NAAA: variants seen among roughly 807,000 people sequenced by gnomAD.
NAAA encodes the protein N-acylethanolamine-hydrolyzing acid amidase.
NAAA carries 39 observed loss-of-function variants against 44.8 expected under a neutral mutation model. The observed-to-expected ratio is 0.87, with a 90% CI of 0.67 to 1.14. The LOEUF is 1.14. Ranked by LOEUF, NAAA falls within the 50% of genes most tolerant of loss-of-function variation. NAAA has a pLI of 0.00. For synonymous variants in NAAA, 178 were observed against 191.3 expected (o/e 0.93, Z 0.58); for missense variants, 460 against 467.8 (o/e 0.98, Z 0.15).
chr4:75,922,693 A>C (rs373073519), intron 5 of NAAA, among the ~76,000 whole-genome samples: 6 of 152,352 alleles, frequency 3.9e-5, no homozygotes, highest in East Asian at 1.9e-4. Flanking sequence ...TGTTAAATAA[A>C]TTTGTATGCC....
intron 1 of NAAA, 76 bp from the exon 2 acceptor site, chr4:75,940,241 G>C: frequency 2.0e-6 from 3 of 1,516,794 alleles, no homozygotes; most frequent in Admixed American, 3.6e-5. Flanking sequence ...ACTGCGAGCG[G>C]GGCTACATCC....
chr4:75,920,698 TAAGAAAAC>T (rs762696218), intron 7 of NAAA, 32 bp downstream of exon 7: 1 of 1,612,916 alleles, frequency 6.2e-7, no homozygotes, highest in Non-Finnish European at 8.5e-7. Flanking sequence ...CTCCTGACCA[TAAGAAAAC>T]ACTGCAAACC....
At chr4:75,933,369 C>G (rs1474478625) in intron 3 of NAAA, among the ~76,000 whole-genome samples, 1 of 151,894 alleles carries the variant, frequency 6.6e-6, no homozygotes, top group Non-Finnish European at 1.5e-5. Flanking sequence ...TATAAATGAC[C>G]TCAGCCCTCA....
In NAAA at chr4:75,921,082, CT is replaced by C; in HGVS notation, c.707del (p.Lys236SerfsTer39). The C allele has an allele frequency of 6.3e-7, 1 of 1,590,442 alleles. No homozygotes were observed. The highest frequency in any genetic ancestry group is 8.5e-7 in the Non-Finnish European group (1 of 1,173,322). ...ESENFEAAVG[K>X]LAKTPLIADV... ...CAGCAATAAGGGGAGTCTTGGCCAA[CT>C]TGCCAACAGCTGCTTCGAAGTTTTC... On this transcript the variant is annotated frameshift_variant, in exon 6 of 11. Transcript: ENST00000286733. LOFTEE classifies it high-confidence loss of function.
At chr4:75,915,342 C>CT (rs1266042072) in intron 9 of NAAA, among the ~76,000 whole-genome samples, 5 of 152,106 alleles carry the variant, frequency 3.3e-5, no homozygotes, top group African/African-American at 9.7e-5. Context: ...GAGTGAGACT[C>CT]TGTCTCATAA....
In NAAA at chr4:75,939,765, C is replaced by T. The variant is rs1397838767; in HGVS notation, c.371+236G>A. ...TACCTGGATTGGGGAAGAGAAAACC[C>T]GGGGCTACACGTAGAGGGAAAGTTT... is the stretch of plus-strand genomic sequence containing the variant. On this transcript the variant is annotated intron_variant, in intron 2 of 10. Coordinates refer to ENST00000286733, the MANE Select transcript of NAAA (RefSeq NM_014435.4). The T allele has an allele frequency of 5.8e-6, 3 of 519,894 alleles. No individual in the cohort carries two copies. In the Admixed American group the frequency reaches 9.5e-5, roughly 16 times the overall value. 32.2% of individuals were successfully genotyped at this position (519,894 alleles called of 1,614,324 possible).
chr4:75,935,778 C>T (rs1252880970), intron 3 of NAAA: 1 of 378,408 alleles, frequency 2.6e-6, no homozygotes, highest in Non-Finnish European at 4.6e-6. Flanking sequence ...ACTACCCAGC[C>T]CCTCCATATT....
chr4:75,917,788 AAAAAG>A, intron 9 of NAAA: 1 of 434,414 alleles, frequency 2.3e-6, no homozygotes, highest in East Asian at 7.1e-5. Context: ...AAAAAAAAAA[AAAAAG>A]AAAAAGAAAT....
intron 8 of NAAA, chr4:75,919,691 G>A (rs1725966453): frequency 3.4e-6 from 2 of 594,630 alleles, no homozygotes; most frequent in Admixed American, 6.2e-5. Context: ...TGTTAGCCAG[G>A]ATTGTCTCAA....
rs754093271 is a variant in NAAA at position 75,931,252 on chromosome 4, T to C, written c.551A>G (p.Gln184Arg). The change falls in exon 4 of 11, where the codon CAG becomes CGG. Residue 184 changes from glutamine to arginine, a missense_variant. Gln to Arg is a conservative substitution (Grantham distance 43). Coordinates refer to ENST00000286733, the MANE Select transcript of NAAA (RefSeq NM_014435.4). ...AGAAACTGTAAACTTGTGTGGGCTC[T>C]GGCCAGTCCATAATCCTACATAGCC... ...FIGYVGLWTG[Q>R]SPHKFTVSGD... is the part of the protein sequence containing the mutation. The C allele has an allele frequency of 1.9e-6, 3 of 1,613,296 alleles. No individual in the cohort carries two copies. Among genetic ancestry groups the C allele is most frequent in the South Asian group, 1.1e-5 (1 of 91,034 alleles).
At chr4:75,912,164 G>C (rs142638029), downstream of NAAA, among the ~76,000 whole-genome samples, 1 of 152,188 alleles carries the variant, frequency 6.6e-6, no homozygotes, top group Admixed American at 6.5e-5. Flanking sequence ...CAATGCCTTC[G>C]CTTTGCCTGG....
At chr4:75,937,765 G>A (rs777852792) in intron 2 of NAAA, among the ~76,000 whole-genome samples, 15 of 152,206 alleles carry the variant, frequency 9.9e-5, no homozygotes, top group Non-Finnish European at 1.6e-4. Context: ...TGGCAATGCA[G>A]GCGTGAGCCA....
At chr4:75,929,304 GC>G (rs1201610149) in intron 4 of NAAA, among the ~76,000 whole-genome samples, 1 of 152,076 alleles carries the variant, frequency 6.6e-6, no homozygotes, top group Non-Finnish European at 1.5e-5. Flanking sequence ...TGGCTTTGAG[GC>G]ATTGCTGGCA....
At chr4:75,932,005 A>C (rs550800793) in intron 3 of NAAA, among the ~76,000 whole-genome samples, 2 of 152,308 alleles carry the variant, frequency 1.3e-5, no homozygotes, top group Non-Finnish European at 2.9e-5. Context: ...CAAGGTGGGC[A>C]GAACACCTGA....
At chr4:75,911,687 A>G (rs1253258812), downstream of NAAA, among the ~76,000 whole-genome samples, 1 of 152,182 alleles carries the variant, frequency 6.6e-6, no homozygotes, top group Non-Finnish European at 1.5e-5. Flanking sequence ...CAAAAGACCA[A>G]TCTTAGGTGC....
At chr4:75,928,505 G>A (rs1476083735) in intron 4 of NAAA, among the ~76,000 whole-genome samples, 2 of 152,140 alleles carry the variant, frequency 1.3e-5, no homozygotes, top group Admixed American at 6.6e-5. Context: ...CATGGGAAAC[G>A]AGGAGAGGGA....
rs1023211500 is a variant in NAAA at position 75,936,092 on chromosome 4, T to C, written c.498+17A>G. Reference sequence around the variant, plus strand: ...CAAATCTTTCTGATTTTTTATCTTATATGGTACGGATTATACCTGCCCATT... The same window carrying C: ...CAAATCTTTCTGATTTTTTATCTTACATGGTACGGATTATACCTGCCCATT... On this transcript the variant is annotated intron_variant, in intron 3 of 10. Transcript: ENST00000286733. The C allele has an allele frequency of 1.2e-6, 2 of 1,613,466 alleles. No homozygotes were observed. Among genetic ancestry groups the C allele is most frequent in the African/African-American group, 1.3e-5 (1 of 74,892 alleles).
intron 4 of NAAA, among the ~76,000 whole-genome samples, chr4:75,930,207 TCTC>T (rs1325764624): frequency 1.3e-5 from 2 of 152,092 alleles, no homozygotes; most frequent in African/African-American, 4.8e-5. Flanking sequence ...TATATATCCT[TCTC>T]CTTGATTCAG....
chr4:75,919,605 A>C (rs1002336976), intron 8 of NAAA: 5 of 452,442 alleles, frequency 1.1e-5, no homozygotes, highest in Non-Finnish European at 1.9e-5. Context: ...CAGCCTCTGG[A>C]GTAGCTTGGA....
Sources: gnomAD v4.1 joint callset for allele counts (sites outside exome capture counted in the v4.1 genomes callset) on GRCh38, gnomAD v4.1.1 for gene constraint, MANE v1.5 for transcripts, NCBI Gene and HGNC (gene_info 2026-07-23, HGNC 2026-07-21) for gene names.